The following ZNF148 variants were observed in gnomAD, a reference collection of about 807,000 sequenced individuals.
The protein encoded by ZNF148 is zinc finger protein 148, also known as Beta-Enolase Repressor Factor-1.
ZNF148 carries 7 observed loss-of-function variants against 67.7 expected under a neutral mutation model. The ratio of observed to expected loss-of-function variants is 0.10; its 90% confidence interval spans 0.06 to 0.19. The LOEUF is 0.19. Ranked by LOEUF, ZNF148 falls within the 10% of genes least tolerant of loss-of-function variation. ZNF148 has a pLI of 1.00. For missense variants in ZNF148, 583 were observed against 947.1 expected (o/e 0.62, Z 5.05); for synonymous variants, 333 against 330.7 (o/e 1.01, Z -0.08).
chr3:125,359,474 A>C (rs940117379), intron 1 of ZNF148, among the ~76,000 whole-genome samples: 7 of 152,204 alleles, frequency 4.6e-5, no homozygotes, highest in Admixed American at 1.3e-4. Flanking sequence ...TCATGTCTAT[A>C]ATCCCAGCAC....
At chr3:125,302,263 A>G (rs942277561) in intron 4 of ZNF148, among the ~76,000 whole-genome samples, 6 of 151,076 alleles carry the variant, frequency 4.0e-5, no homozygotes, top group African/African-American at 1.5e-4. Context: ...CTGTGGTGCC[A>G]GCAACTTTGG....
intron 1 of ZNF148, chr3:125,344,069 G>T: frequency 5.5e-6 from 1 of 181,038 alleles, no homozygotes; most frequent in Non-Finnish European, 1.2e-5. Flanking sequence ...TTAAATGCAC[G>T]CATTAAATTA....
intron 2 of ZNF148, among the ~76,000 whole-genome samples, chr3:125,327,513 T>C (rs899258353): frequency 3.3e-5 from 5 of 152,192 alleles, no homozygotes; most frequent in Non-Finnish European, 5.9e-5. Flanking sequence ...CTTAAATGGA[T>C]TGAAGTCATA....
intron 7 of ZNF148, among the ~76,000 whole-genome samples, chr3:125,239,746 G>A (rs1936259554): frequency 2.0e-5 from 3 of 152,092 alleles, no homozygotes. Context: ...GGCCAAAAGA[G>A]GAAACGGCCC....
At chr3:125,285,065 A>C (rs1035383459) in intron 5 of ZNF148, among the ~76,000 whole-genome samples, 1 of 152,232 alleles carries the variant, frequency 6.6e-6, no homozygotes, top group Non-Finnish European at 1.5e-5. Context: ...TGATGTTTTT[A>C]CTAAAACTCT....
chr3:125,246,056 C>G (rs1182593048), intron 7 of ZNF148, among the ~76,000 whole-genome samples: 1 of 151,882 alleles, frequency 6.6e-6, no homozygotes, highest in Admixed American at 6.6e-5. Context: ...TAATCATTTT[C>G]TGCTGATTTT....
intron 7 of ZNF148, among the ~76,000 whole-genome samples, chr3:125,271,320 C>T (rs1466863730): frequency 2.0e-5 from 3 of 152,220 alleles, no homozygotes; most frequent in Non-Finnish European, 4.4e-5. Context: ...ACATGCACAT[C>T]TTGCCTCTGC....
At chr3:125,332,811 CTAAATT>C (rs1269587642) in intron 1 of ZNF148, among the ~76,000 whole-genome samples, 1 of 152,204 alleles carries the variant, frequency 6.6e-6, no homozygotes, top group Non-Finnish European at 1.5e-5. Flanking sequence ...ATACACTCTG[CTAAATT>C]TAATTTGTCT....
At chr3:125,291,949 G>T (rs1284949281) in intron 4 of ZNF148, among the ~76,000 whole-genome samples, 1 of 152,152 alleles carries the variant, frequency 6.6e-6, no homozygotes, top group African/African-American at 2.4e-5. Flanking sequence ...AATGTAAAAG[G>T]AAAGGTATAA....
At chr3:125,348,519 G>A (rs1474519230) in intron 1 of ZNF148, among the ~76,000 whole-genome samples, 6 of 142,268 alleles carry the variant, frequency 4.2e-5, no homozygotes, top group Non-Finnish European at 4.6e-5. Context: ...AACAGCAACA[G>A]CATCAAAAAC....
intron 4 of ZNF148, among the ~76,000 whole-genome samples, chr3:125,295,506 T>C (rs958227171): frequency 6.6e-6 from 1 of 151,322 alleles, no homozygotes; most frequent in Admixed American, 6.6e-5. Context: ...ATTAGAAGAC[T>C]TGGATTTCAA....
In ZNF148 at chr3:125,327,843, G is replaced by A. The variant is rs529515991; in HGVS notation, c.-153+3315C>T. On this transcript the variant is annotated intron_variant, in intron 2 of 8. Transcript: ENST00000360647. ...TGAAAACAAATATCAAAATTTACAG[G>A]ATGCAGCAAACGCAATACTTAAAAT... 2.6e-5 allele frequency among the ~76,000 whole-genome samples: 4 copies of A among 152,218 alleles called. No homozygotes were observed. The South Asian group carries it at 8.3e-4, about 32-fold the overall frequency.
At chr3:125,341,259 A>G (rs1941710708) in intron 1 of ZNF148, among the ~76,000 whole-genome samples, 2 of 151,798 alleles carry the variant, frequency 1.3e-5, no homozygotes, top group Admixed American at 1.3e-4. Context: ...CTCAGCAAAG[A>G]AACAGAAGTT....
chr3:125,312,154 T>C (rs1026335472), intron 4 of ZNF148, among the ~76,000 whole-genome samples: 12 of 152,296 alleles, frequency 7.9e-5, no homozygotes, highest in African/African-American at 1.7e-4. Context: ...TAGACTAATA[T>C]TTCTCATGAA....
intron 7 of ZNF148, among the ~76,000 whole-genome samples, chr3:125,241,042 T>C (rs962221168): frequency 6.6e-6 from 1 of 152,074 alleles, no homozygotes; most frequent in African/African-American, 2.4e-5. Context: ...CCATCTTTTT[T>C]CATATCCCTT....
chr3:125,287,974 G>A lies in ZNF148; in HGVS notation c.459+129C>T, dbSNP rs1938790878. ...AGGCCCACCACCTCCATGCAGGCAC[G>A]CACCCCCTCCTACTAAACCACACAA... is the stretch of plus-strand genomic sequence containing the variant. On this transcript the variant is annotated intron_variant, in intron 5 of 8. Coordinates refer to ENST00000360647, the MANE Select transcript of ZNF148 (RefSeq NM_021964.3). 10 of 1,294,422 alleles carry A rather than the reference G, an allele frequency of 7.7e-6. 1 individual carries two copies. Among genetic ancestry groups the A allele is most frequent in the Admixed American group, 4.4e-5 (2 of 45,578 alleles). The allele number at this position is 1,294,422 out of a possible 1,614,324, so 80.2% of individuals were successfully genotyped here.
chr3:125,232,246 C>A lies in ZNF148; in HGVS notation c.*95G>T. The A allele has an allele frequency of 7.2e-7, 1 of 1,389,990 alleles. No homozygotes were observed. Among genetic ancestry groups the A allele is most frequent in the Admixed American group, 2.6e-5 (1 of 38,992 alleles). The allele number at this position is 1,389,990 out of a possible 1,614,324, so 86.1% of individuals were successfully genotyped here. A position where few individuals can be genotyped will look rare whatever the true frequency, so the allele number is the denominator to read the frequency against. ...GCTTAACTTGTTATTACGCATTGCT[C>A]TTAAATCTGTACAGCACTCCATTTA... On this transcript the variant is annotated 3_prime_UTR_variant, in exon 9 of 9. Transcript: ENST00000360647. The surrounding 1 kb of genome is among the most constrained non-coding windows in gnomAD (Gnocchi z 4.2).
chr3:125,365,193 C>T (rs904412567), intron 1 of ZNF148, among the ~76,000 whole-genome samples: 1 of 152,150 alleles, frequency 6.6e-6, no homozygotes, highest in Non-Finnish European at 1.5e-5. Context: ...TACCATAGAA[C>T]CTTGCACATG....
chr3:125,332,662 C>T (rs539904185), intron 1 of ZNF148, among the ~76,000 whole-genome samples: 4 of 152,282 alleles, frequency 2.6e-5, no homozygotes, highest in Non-Finnish European at 4.4e-5. Context: ...AAATGCCAAG[C>T]GGTAACCAAT....
Sources: gnomAD v4.1 joint callset for allele counts (sites outside exome capture counted in the v4.1 genomes callset) on GRCh38, gnomAD v4.1.1 for gene constraint, Gnocchi (gnomAD v3.1) non-coding constraint, MANE v1.5 for transcripts, NCBI Gene and HGNC (gene_info 2026-07-23, HGNC 2026-07-21) for gene names.